The following CACNA1C variants were observed in gnomAD, a reference collection of about 807,000 sequenced individuals.
The protein encoded by CACNA1C is voltage-dependent L-type calcium channel subunit alpha-1C.
Under a neutral mutation model 229.0 loss-of-function variants are expected in CACNA1C, and 30 were observed. That is an observed-to-expected ratio of 0.13 (90% CI 0.10 to 0.18). The LOEUF is 0.18. Ranked by LOEUF, CACNA1C falls within the 10% of genes least tolerant of loss-of-function variation. CACNA1C has a pLI of 1.00. For synonymous variants in CACNA1C, 1,114 were observed against 1,132.5 expected (o/e 0.98, Z 0.33); for missense variants, 1,658 against 2,845.0 (o/e 0.58, Z 9.49).
intron 3 of CACNA1C, among the ~76,000 whole-genome samples, chr12:2,325,140 T>C (rs1438530998): frequency 6.6e-6 from 1 of 152,164 alleles, no homozygotes; most frequent in African/African-American, 2.4e-5. Flanking sequence ...TGTGCCGCCC[T>C]ACCCTGGCTC....
chr12:2,138,636 G>A (rs1565927941), intron 3 of CACNA1C, among the ~76,000 whole-genome samples: 1 of 150,904 alleles, frequency 6.6e-6, no homozygotes, highest in Non-Finnish European at 1.5e-5. Flanking sequence ...TGTTCCAGAG[G>A]TTATCCCAGA....
At chr12:2,497,479 T>G (rs1224886515) in intron 7 of CACNA1C, among the ~76,000 whole-genome samples, 1 of 152,170 alleles carries the variant, frequency 6.6e-6, no homozygotes, top group Non-Finnish European at 1.5e-5. Flanking sequence ...TCTAGCTCTT[T>G]AGGAATCTCA....
At chr12:2,524,776 C>T (rs1598878942) in intron 9 of CACNA1C, among the ~76,000 whole-genome samples, 1 of 152,166 alleles carries the variant, frequency 6.6e-6, no homozygotes, top group Non-Finnish European at 1.5e-5. Flanking sequence ...GGGCATTGCT[C>T]GCGACACACC....
intron 1 of CACNA1C, among the ~76,000 whole-genome samples, chr12:2,071,877 C>T (rs909404445): frequency 2.0e-5 from 3 of 152,036 alleles, no homozygotes; most frequent in Non-Finnish European, 2.9e-5. Context: ...ACAATATGTG[C>T]GTGAATTCTC....
intron 29 of CACNA1C, among the ~76,000 whole-genome samples, chr12:2,616,164 C>T (rs1444299788): frequency 6.6e-6 from 1 of 152,138 alleles, no homozygotes; most frequent in African/African-American, 2.4e-5. Flanking sequence ...GAGAATGGAC[C>T]CAGAGTGAAA....
At chr12:2,631,045 A>G (rs571048809) in intron 29 of CACNA1C, among the ~76,000 whole-genome samples, 1 of 152,314 alleles carries the variant, frequency 6.6e-6, no homozygotes, top group South Asian at 2.1e-4. Flanking sequence ...GGGTTCCTTT[A>G]GGTCTCAGCC....
chr12:2,135,325 T>C (rs1302792219), intron 3 of CACNA1C, among the ~76,000 whole-genome samples: 2 of 146,880 alleles, frequency 1.4e-5, no homozygotes, highest in Non-Finnish European at 3.0e-5. Context: ...TCATTCTCCA[T>C]CCAGCTTTGT....
chr12:2,482,035 G>A (rs891998832), intron 5 of CACNA1C, among the ~76,000 whole-genome samples: 5 of 152,214 alleles, frequency 3.3e-5, no homozygotes, highest in Admixed American at 3.3e-4. Flanking sequence ...CTGTTTCTGG[G>A]GCAGCTGTGA....
chr12:2,512,598 C>T lies in CACNA1C; in HGVS notation c.1218-214C>T, dbSNP rs145718507. On this transcript the variant is annotated intron_variant, in intron 8 of 46. Coordinates refer to ENST00000399655, the MANE Select transcript of CACNA1C (RefSeq NM_000719.7). The surrounding 1 kb of genome is among the most constrained non-coding windows in gnomAD (Gnocchi z 4.3). ...GGCCAGTGTCAGGAATGTCCCCTTA[C>T]TGACGCTTCCCATCGAGGTGATAGT... 5.4e-3 allele frequency among the ~76,000 whole-genome samples: 825 copies of T among 152,296 alleles called. 3 individuals are homozygous for T. The highest frequency in any genetic ancestry group is 0.018 in the African/African-American group (740 of 41,560).
intron 9 of CACNA1C, among the ~76,000 whole-genome samples, chr12:2,534,477 T>C (rs952358093): frequency 2.0e-5 from 3 of 152,040 alleles, no homozygotes; most frequent in African/African-American, 7.3e-5. Context: ...GTGCCGAGAG[T>C]CCCCTTACAA....
At chr12:2,304,970 C>T (rs376929732) in intron 3 of CACNA1C, among the ~76,000 whole-genome samples, 31 of 152,300 alleles carry the variant, frequency 2.0e-4, no homozygotes, top group African/African-American at 7.0e-4. Context: ...TAGTTGAACA[C>T]TTCTCTTGGT....
chr12:2,577,891 C>T (rs1159184097), intron 13 of CACNA1C, among the ~76,000 whole-genome samples: 11 of 145,676 alleles, frequency 7.6e-5, no homozygotes, highest in East Asian at 2.0e-4. Context: ...TTTTTTGAGA[C>T]GGAGTCTCGC....
At chr12:2,673,690 C>T (rs935119829) in intron 38 of CACNA1C, among the ~76,000 whole-genome samples, 1 of 152,178 alleles carries the variant, frequency 6.6e-6, no homozygotes, top group African/African-American at 2.4e-5. Context: ...TGGGGACCCC[C>T]TCTGCTCCTA....
chr12:2,071,171 TCCCTG>T (rs2061181822), intron 1 of CACNA1C, among the ~76,000 whole-genome samples: 1 of 78,014 alleles, frequency 1.3e-5, no homozygotes, highest in Non-Finnish European at 2.4e-5. Context: ...CCTCCCTCCC[TCCCTG>T]CCTGCCTGCC....
chr12:2,448,820 G>A (rs1184112255), intron 3 of CACNA1C, among the ~76,000 whole-genome samples, 156 bp from the exon 4 acceptor site: 4 of 151,660 alleles, frequency 2.6e-5, no homozygotes, highest in Admixed American at 1.3e-4. Context: ...AGAGCAGGTC[G>A]TGGAGTTGCT....
intron 30 of CACNA1C, among the ~76,000 whole-genome samples, chr12:2,645,094 G>GA (rs755238274): frequency 2.2e-4 from 34 of 152,158 alleles, no homozygotes; most frequent in Non-Finnish European, 4.6e-4. Flanking sequence ...CAGATCATTA[G>GA]AAAACAAGGA....
chr12:2,110,043 T>C (rs567370454), intron 1 of CACNA1C, among the ~76,000 whole-genome samples: 186 of 152,120 alleles, frequency 1.2e-3, no homozygotes, highest in Non-Finnish European at 2.2e-3. Context: ...GAAATAGAGA[T>C]GGATTAAAGA....
chr12:2,606,918 A>G (rs2075648153), intron 25 of CACNA1C, 66 bp from the exon 26 acceptor site: 1 of 1,566,118 alleles, frequency 6.4e-7, no homozygotes, highest in Non-Finnish European at 8.8e-7. Context: ...ATTCAAGGTC[A>G]CTGGCAGGCC....
intron 3 of CACNA1C, among the ~76,000 whole-genome samples, chr12:2,230,864 G>A (rs551224886): frequency 2.6e-5 from 4 of 152,274 alleles, no homozygotes; most frequent in African/African-American, 4.8e-5. Flanking sequence ...GAGGTGGGTC[G>A]TATTATTATC....
Sources: allele counts gnomAD v4.1 joint callset (sites outside exome capture counted in the v4.1 genomes callset), GRCh38; gene constraint gnomAD v4.1.1; non-coding constraint Gnocchi (gnomAD v3.1); transcripts MANE v1.5; gene names NCBI Gene and HGNC (gene_info 2026-07-23, HGNC 2026-07-21).